NUP214: variants seen among roughly 807,000 people sequenced by gnomAD.
NUP214 encodes the protein nuclear pore complex protein Nup214.
NUP214 carries 79 observed loss-of-function variants against 196.2 expected under a neutral mutation model. The ratio of observed to expected loss-of-function variants is 0.40; its 90% CI spans 0.34 to 0.49. NUP214 has a LOEUF of 0.49. Among genes scored for constraint, NUP214 ranks in the 20% least tolerant of loss-of-function variants. NUP214 has a pLI of 0.58. For missense variants in NUP214, 2,468 were observed against 2,539.0 expected (o/e 0.97, Z 0.60); for synonymous variants, 1,020 against 990.5 (o/e 1.03, Z -0.56).
chr9:131,206,141 C>CTTTTTTTTTTTTTT (rs1588166866), intron 30 of NUP214, among the ~76,000 whole-genome samples: 36 of 23,836 alleles, frequency 1.5e-3, no homozygotes, highest in African/African-American at 4.3e-3. Context: ...GAATTTTTTT[C>CTTTTTTTTTTTTTT]TTTTTTCTTT....
rs555325000 is a variant in NUP214, at chr9:131,174,333, G to T, written c.3157+15G>T. The T allele has an allele frequency of 1.9e-6, 3 of 1,601,968 alleles. No individual in the cohort carries two copies. In the African/African-American group the frequency reaches 4.0e-5, roughly 22 times the overall value. On this transcript the variant is annotated intron_variant, in intron 22 of 35. Coordinates refer to ENST00000359428, the MANE Select transcript of NUP214 (RefSeq NM_005085.4). ...GGGAACTTCAGGTAAGTAAACAGTG[G>T]GAAAGGAAACTGTTTTTCCCTATGA...
chr9:131,129,397 ATGG>A lies in NUP214; in HGVS notation c.514_516del (p.Gly172del). The A allele has an allele frequency of 6.2e-7, 1 of 1,614,234 alleles. No homozygotes were observed. The highest frequency in any genetic ancestry group is 8.5e-7 in the Non-Finnish European group (1 of 1,180,036). On this transcript the variant is annotated inframe_deletion, in exon 4 of 36. Transcript: ENST00000359428. ...TCCATGGTGGCAGTTTGTCTGGCTGATGGTAGTATTGCTGTCCTGCAAGTCACG... is the reference window on the plus strand; with the variant it reads ...TCCATGGTGGCAGTTTGTCTGGCTGATAGTATTGCTGTCCTGCAAGTCACG...
chr9:131,140,371 T>C (rs1417307760), intron 10 of NUP214, among the ~76,000 whole-genome samples, 178 bp from the exon 11 acceptor site: 4 of 152,116 alleles, frequency 2.6e-5, no homozygotes, highest in Non-Finnish European at 5.9e-5. Context: ...CGGCAGGAAC[T>C]CTCTTTAAAT....
rs1564183330 is a variant in NUP214 at position 131,144,588 on chromosome 9, G to A, written c.1603G>A (p.Ala535Thr). 3 of 1,613,764 alleles carry A rather than the reference G, an allele frequency of 1.9e-6. No homozygotes were observed. In the African/African-American group the frequency reaches 4.0e-5, roughly 22 times the overall value. ...TAAAGCCTCCCTAGCCCCCACCCCT[G>A]CAGCGTCTCCTGTGGCTCCATCAGC... is the stretch of plus-strand genomic sequence containing the variant. ...PSKASLAPTP[A>T]ASPVAPSAAS... The change falls in exon 12 of 36, where the codon GCA becomes ACA. Residue 535 changes from alanine (A) to threonine (T), a missense_variant. Ala to Thr is a moderately conservative substitution (Grantham distance 58, BLOSUM62 0). Transcript: ENST00000359428.
chr9:131,199,563 T>C (rs1414116811), intron 29 of NUP214, among the ~76,000 whole-genome samples: 4 of 152,362 alleles, frequency 2.6e-5, no homozygotes, highest in South Asian at 2.1e-4. Context: ...TTCAGTGTTA[T>C]GACTTTTTGT....
At chr9:131,222,361 T>G (rs1834586538) in intron 31 of NUP214, 1 of 156,644 alleles carries the variant, frequency 6.4e-6, no homozygotes, top group African/African-American at 2.4e-5. Context: ...AATTTGAAGT[T>G]GGTCTTGTGT....
chr9:131,125,855 C>G lies in NUP214; in HGVS notation c.45+106C>G. On this transcript the variant is annotated intron_variant, in intron 1 of 35. Coordinates refer to ENST00000359428, the MANE Select transcript of NUP214 (RefSeq NM_005085.4). The surrounding 1 kb of genome is among the most constrained non-coding windows in gnomAD (Gnocchi z 4.1). Reference sequence around the variant, plus strand: ...CTGGCTGTCCCGCCTCCTGCTTGAACAGTTTACCGCGTTCACAGCTCTCAC... The same window carrying G: ...CTGGCTGTCCCGCCTCCTGCTTGAAGAGTTTACCGCGTTCACAGCTCTCAC... The G allele has an allele frequency of 7.7e-7, 1 of 1,304,084 alleles. No individual in the cohort carries two copies. Among genetic ancestry groups the G allele is most frequent in the Non-Finnish European group, 1.1e-6 (1 of 939,548 alleles). 80.8% of individuals were successfully genotyped at this position (1,304,084 alleles called of 1,614,324 possible). A position where few individuals can be genotyped will look rare whatever the true frequency, so the allele number is the denominator to read the frequency against.
rs1461067983 is a variant in NUP214, at chr9:131,233,307, G to A, written c.6240-147G>A. 6 of 726,502 alleles carry A rather than the reference G, an allele frequency of 8.3e-6. No homozygotes were observed. The East Asian group carries it at 1.8e-4, about 22-fold the overall frequency. 45.0% of individuals were successfully genotyped at this position (726,502 alleles called of 1,614,324 possible). A position where few individuals can be genotyped will look rare whatever the true frequency, so the allele number is the denominator to read the frequency against. On this transcript the variant is annotated intron_variant, in intron 35 of 35. Coordinates refer to ENST00000359428, the MANE Select transcript of NUP214 (RefSeq NM_005085.4). The stretch of plus-strand genomic sequence containing the variant: ...GCTGAGATCACGCCACTGCACTCCA[G>A]CCTGGGCAATAGAGTGAGACTCTGT...
intron 17 of NUP214, among the ~76,000 whole-genome samples, chr9:131,157,226 G>A (rs997428940): frequency 2.0e-5 from 3 of 151,726 alleles, no homozygotes; most frequent in South Asian, 2.1e-4. Flanking sequence ...GCGGTGGCAC[G>A]ATCCTAGCTC....
chr9:131,195,628 AAGATAGACATGGTAAT>A (rs1564203934), intron 28 of NUP214: 1 of 256,632 alleles, frequency 3.9e-6, no homozygotes, highest in African/African-American at 2.3e-5. Context: ...TCTGTAGGGC[AAGATAGACATGGTAAT>A]AGATAGACTG....
chr9:131,205,810 G>A (rs1834060528), intron 30 of NUP214, among the ~76,000 whole-genome samples: 1 of 152,126 alleles, frequency 6.6e-6, no homozygotes, highest in East Asian at 1.9e-4. Context: ...AGCCTCCCGA[G>A]CAGCTGGGAT....
Position 131,198,983 on chromosome 9 carries a change from C to T in NUP214, c.5489C>T (p.Ala1830Val). ...ACCTCAGCTGCCACCACAACAGCAG[C>T]AACCTCTGGGTTCAGCTTTTGCCAA... ...GGTSAATTTA[A>V]TSGFSFCQAS... The change falls in exon 29 of 36, where the codon GCA becomes GTA. Residue 1830 changes from alanine (A) to valine (V), a missense_variant. Around this residue, in one of 5 missense-constraint regions of NUP214, gnomAD observed 1,801 missense variants for 1,779.4 expected, o/e 1.01. Transcript: ENST00000359428. 1 of 1,610,742 alleles carries T rather than the reference C, an allele frequency of 6.2e-7. No individual in the cohort carries two copies. Among genetic ancestry groups the T allele is most frequent in the Non-Finnish European group, 8.5e-7 (1 of 1,177,634 alleles).
At chr9:131,148,372 G>A (rs11244304) in intron 14 of NUP214, among the ~76,000 whole-genome samples, 31 of 152,282 alleles carry the variant, frequency 2.0e-4, no homozygotes, top group African/African-American at 6.7e-4. Flanking sequence ...TCTGATGGGC[G>A]CTTGAGTAGT....
chr9:131,126,080 G>T, intron 1 of NUP214: 1 of 363,994 alleles, frequency 2.7e-6, no homozygotes, highest in Non-Finnish European at 5.0e-6. Context: ...CGAAGTAGTC[G>T]TTAACGTAGA....
chr9:131,161,289 G>T, intron 18 of NUP214, among the ~76,000 whole-genome samples: 1 of 141,660 alleles, frequency 7.1e-6, no homozygotes, highest in African/African-American at 2.7e-5. Context: ...ACTAAGTCTC[G>T]CTGTGTCACC....
rs754684023 is a variant in NUP214, at chr9:131,189,087, C to T, written c.3530C>T (p.Pro1177Leu). The T allele has an allele frequency of 3.7e-6, 6 of 1,613,906 alleles. No individual in the cohort carries two copies. In the East Asian group the frequency reaches 8.9e-5, roughly 24 times the overall value. ...SLINSLKPSG[P>L]TPASGQLSSG... ...ATAAATTCCCTTAAGCCATCTGGGC[C>T]TACACCAGCATCCGGTCAGTTATCA... is the stretch of plus-strand genomic sequence containing the variant. Residue 1177 changes from proline (P) to leucine (L), a missense_variant, in exon 26 of 36, where the codon CCT (proline) becomes CTT (leucine). Pro to Leu is a moderately conservative substitution (Grantham distance 98). Transcript: ENST00000359428.
At position 131,129,361 on chromosome 9, in the gene NUP214, C is replaced by T. The variant is rs1185344471; in HGVS notation, c.476C>T (p.Pro159Leu). ...GGMVIDMKWNPTVPSMVAVCL... is the reference protein window; with the variant it reads ...GGMVIDMKWNLTVPSMVAVCL... ...ATGGTGATTGATATGAAGTGGAACC[C>T]CACTGTCCCCTCCATGGTGGCAGTT... Residue 159 changes from proline to leucine, a missense_variant, in exon 4 of 36, where the codon CCC (proline) becomes CTC (leucine). Coordinates refer to ENST00000359428, the MANE Select transcript of NUP214 (RefSeq NM_005085.4). 12 of 1,613,982 alleles carry T rather than the reference C, an allele frequency of 7.4e-6. No individual in the cohort carries two copies. The highest frequency in any genetic ancestry group is 2.2e-5 in the East Asian group (1 of 44,894).
At chr9:131,206,293 A>G (rs1834085148) in intron 30 of NUP214, among the ~76,000 whole-genome samples, 1 of 151,228 alleles carries the variant, frequency 6.6e-6, no homozygotes, top group Non-Finnish European at 1.5e-5. Context: ...CTACAGGTGC[A>G]CACACTGTGC....
intron 32 of NUP214, among the ~76,000 whole-genome samples, chr9:131,227,607 C>G (rs1156935853): frequency 6.6e-6 from 1 of 152,220 alleles, no homozygotes; most frequent in Non-Finnish European, 1.5e-5. Flanking sequence ...GTCTCTGTCT[C>G]TGCTATGACC....
Sources: allele counts gnomAD v4.1 joint callset (sites outside exome capture counted in the v4.1 genomes callset), GRCh38; gene constraint gnomAD v4.1.1; regional missense constraint gnomAD v4.1.1; non-coding constraint Gnocchi (gnomAD v3.1); transcripts MANE v1.5; gene names NCBI Gene and HGNC (gene_info 2026-07-23, HGNC 2026-07-21).